The following RDX variants were observed in gnomAD, a reference collection of about 807,000 sequenced individuals.
The protein encoded by RDX is radixin, also known as deafness, autosomal recessive 24.
Under a neutral mutation model 83.7 loss-of-function variants are expected in RDX, and 32 were observed. The observed-to-expected ratio is 0.38, with a 90% CI of 0.29 to 0.51. RDX has a LOEUF of 0.51. RDX is among the 20% of genes least tolerant of loss of function. The pLI is 0.87. For missense variants in RDX, 600 were observed against 689.9 expected (o/e 0.87, Z 1.46); for synonymous variants, 229 against 222.7 (o/e 1.03, Z -0.25).
chr11:110,257,139 GTACATA>G, intron 7 of RDX, among the ~76,000 whole-genome samples: 1 of 150,480 alleles, frequency 6.6e-6, no homozygotes, highest in Non-Finnish European at 1.5e-5. Flanking sequence ...TATTTGTATA[GTACATA>G]TACATGTATA....
chr11:110,184,885 A>G (rs934510927), intron 15 of RDX, among the ~76,000 whole-genome samples: 1 of 152,232 alleles, frequency 6.6e-6, no homozygotes, highest in African/African-American at 2.4e-5. Context: ...TCTACCTGTT[A>G]GAGTTTGAGA....
At chr11:110,189,617 G>C (rs1160847708) in intron 15 of RDX, among the ~76,000 whole-genome samples, 1 of 152,112 alleles carries the variant, frequency 6.6e-6, no homozygotes, top group East Asian at 1.9e-4. Flanking sequence ...CAAAAAGCAA[G>C]TTTCAATAAA....
intron 10 of RDX, among the ~76,000 whole-genome samples, chr11:110,240,525 C>T (rs942805883): frequency 2.6e-5 from 4 of 150,966 alleles, no homozygotes; most frequent in Non-Finnish European, 5.9e-5. Context: ...GGGCGGATCA[C>T]GAGGTCAGGA....
At chr11:110,206,256 C>CAAAAA (rs3040335) in intron 14 of RDX, among the ~76,000 whole-genome samples, 7 of 110,160 alleles carry the variant, frequency 6.4e-5, no homozygotes, top group Non-Finnish European at 8.8e-5. Context: ...GAGTCCATCT[C>CAAAAA]AAAAAAAAAA....
intron 14 of RDX, among the ~76,000 whole-genome samples, chr11:110,217,063 C>T (rs1442160194): frequency 6.6e-5 from 10 of 152,160 alleles, no homozygotes; most frequent in Admixed American, 6.5e-4. Flanking sequence ...GCACTCTTTT[C>T]ATCTGTCTGG....
intron 9 of RDX, among the ~76,000 whole-genome samples, chr11:110,248,996 C>T (rs987397082): frequency 1.3e-5 from 2 of 152,164 alleles, no homozygotes; most frequent in Non-Finnish European, 1.5e-5. Context: ...CATTTAGCTG[C>T]ACCTGCCATG....
intron 1 of RDX, among the ~76,000 whole-genome samples, chr11:110,280,155 A>C (rs1448483776): frequency 6.6e-6 from 1 of 152,228 alleles, no homozygotes; most frequent in Non-Finnish European, 1.5e-5. Context: ...GAGCTTAAGA[A>C]TACTTATTCA....
intron 7 of RDX, 116 bp from the exon 8 acceptor site, chr11:110,255,501 A>G: frequency 1.5e-6 from 1 of 672,910 alleles, no homozygotes; most frequent in Non-Finnish European, 2.7e-6. Context: ...TTCAAAATGT[A>G]TTAACTTATT....
At chr11:110,282,121 C>G (rs775175816) in intron 1 of RDX, among the ~76,000 whole-genome samples, 8 of 152,012 alleles carry the variant, frequency 5.3e-5, no homozygotes, top group Non-Finnish European at 1.2e-4. Flanking sequence ...GACCTATAAC[C>G]TATTGGTTCA....
At chr11:110,178,568 G>A (rs947978181) in intron 15 of RDX, among the ~76,000 whole-genome samples, 3 of 152,172 alleles carry the variant, frequency 2.0e-5, no homozygotes, top group African/African-American at 4.8e-5. Context: ...GTGGGAAGAC[G>A]GGACAGGTTC....
In RDX at chr11:110,272,605, T is replaced by TA; in HGVS notation, c.26dup (p.Thr10AsnfsTer6). The TA allele has an allele frequency of 6.2e-7, 1 of 1,609,790 alleles. No homozygotes were observed. On this transcript the variant is annotated frameshift_variant, in exon 3 of 14. Transcript: ENST00000645495. LOFTEE classifies it high-confidence loss of function. ...ATTCCAGCTCAGCATCCATTGTAGT[T>TA]ACTCTTACGTTGATCTGTAATAAAA...
chr11:110,281,021 C>T (rs894354307), intron 1 of RDX, among the ~76,000 whole-genome samples: 4 of 151,774 alleles, frequency 2.6e-5, no homozygotes, highest in Admixed American at 2.0e-4. Context: ...AAAAATTAGC[C>T]GGGCATGATG....
At chr11:110,243,265 G>A (rs950737218) in intron 10 of RDX, among the ~76,000 whole-genome samples, 2 of 152,080 alleles carry the variant, frequency 1.3e-5, no homozygotes, top group South Asian at 4.1e-4. Context: ...CTAAAACACT[G>A]TGGTCCCCAA....
At position 110,233,490 on chromosome 11, in the gene RDX, A is replaced by G; in HGVS notation, c.1345-11T>C. On this transcript the variant is annotated splice_polypyrimidine_tract_variant and intron_variant, in intron 12 of 13. Coordinates refer to ENST00000645495, the MANE Select transcript of RDX (RefSeq NM_002906.4). The stretch of plus-strand genomic sequence containing the variant: ...CTGGGCTGCAAAAGCCTGAACATTA[A>G]AAATACGTTTATGAGCAACTTACTT... 1 of 1,614,034 alleles carries G rather than the reference A, an allele frequency of 6.2e-7. No homozygotes were observed. Among genetic ancestry groups the G allele is most frequent in the East Asian group, 2.2e-5 (1 of 44,874 alleles).
chr11:110,187,600 A>G (rs1191738900), intron 15 of RDX, among the ~76,000 whole-genome samples: 1 of 152,164 alleles, frequency 6.6e-6, no homozygotes, highest in African/African-American at 2.4e-5. Flanking sequence ...GGAGCTGAGA[A>G]GTTCCCCAGC....
intron 10 of RDX, 33 bp downstream of exon 10, chr11:110,247,670 T>A: frequency 5.6e-6 from 9 of 1,604,662 alleles, no homozygotes; most frequent in Non-Finnish European, 7.7e-6. Context: ...GCAATAATAA[T>A]TTTTAATCCA....
chr11:110,179,681 G>A (rs930859960), intron 15 of RDX, among the ~76,000 whole-genome samples: 5 of 151,852 alleles, frequency 3.3e-5, no homozygotes, highest in African/African-American at 1.2e-4. Flanking sequence ...GCCAAGGCAG[G>A]AGAATCACTT....
chr11:110,273,131 G>A (rs778944618), intron 2 of RDX: 7 of 454,974 alleles, frequency 1.5e-5, no homozygotes, highest in South Asian at 1.1e-4. Context: ...AGGATCACTT[G>A]AGCCTAGGAG....
intron 1 of RDX, among the ~76,000 whole-genome samples, chr11:110,285,140 G>A (rs1440663675): frequency 6.6e-6 from 1 of 152,060 alleles, no homozygotes; most frequent in Non-Finnish European, 1.5e-5. Flanking sequence ...TGTAATCTCA[G>A]TACTTTGGGA....
Sources: allele counts gnomAD v4.1 joint callset (sites outside exome capture counted in the v4.1 genomes callset), GRCh38; gene constraint gnomAD v4.1.1; transcripts MANE v1.5; gene names NCBI Gene and HGNC (gene_info 2026-07-23, HGNC 2026-07-21).